Variants in PCDHGB7 observed in about 807,000 individuals in gnomAD.
The protein encoded by PCDHGB7 is protocadherin gamma subfamily B, 7.
Under a neutral mutation model 61.4 loss-of-function variants are expected in PCDHGB7, and 37 were observed. That is an observed-to-expected ratio of 0.60 (90% CI 0.46 to 0.79). The LOEUF is 0.79. PCDHGB7 is among the 30% of genes least tolerant of loss of function. The pLI, the probability that PCDHGB7 is intolerant of heterozygous loss-of-function variation, is 0.00. For missense variants in PCDHGB7, 1,166 were observed against 1,202.5 expected (o/e 0.97, Z 0.45); for synonymous variants, 464 against 503.5 (o/e 0.92, Z 1.05).
At chr5:141,445,300 TCA>T (rs1443961962) in intron 1 of PCDHGB7, among the ~76,000 whole-genome samples, 1 of 152,202 alleles carries the variant, frequency 6.6e-6, no homozygotes, top group Non-Finnish European at 1.5e-5. Flanking sequence ...TCCATTCTCT[TCA>T]GTTTGTAGGT....
Position 141,491,713 on chromosome 5 carries a change from G to T in PCDHGB7, c.2416-3094G>T. The T allele has an allele frequency of 6.2e-7, 1 of 1,609,174 alleles. No individual in the cohort carries two copies. The highest frequency in any genetic ancestry group is 8.5e-7 in the Non-Finnish European group (1 of 1,178,054). On this transcript the variant is annotated intron_variant, in intron 1 of 3. Transcript: ENST00000398594. The surrounding 1 kb of genome is among the most constrained non-coding windows in gnomAD (Gnocchi z 6.9). ...GGAGCGGAGCCAGGTGAGGGGCTCG[G>T]CGCCGCCCCGGGCGACCCCTGGGGG...
At chr5:141,466,281 C>T (rs555506496) in intron 1 of PCDHGB7, among the ~76,000 whole-genome samples, 76 of 152,252 alleles carry the variant, frequency 5.0e-4, no homozygotes, top group African/African-American at 1.7e-3. Context: ...AGCAATCTTC[C>T]CACCTCAGGC....
chr5:141,466,822 G>A (rs1396286898), intron 1 of PCDHGB7, among the ~76,000 whole-genome samples: 4 of 152,046 alleles, frequency 2.6e-5, no homozygotes. Flanking sequence ...GGTATAACAA[G>A]TTAGTATGGG....
At position 141,419,527 on chromosome 5, in the gene PCDHGB7, C is replaced by T. The variant is rs755936657; in HGVS notation, c.1668C>T (p.Asn556=). The T allele has an allele frequency of 2.5e-6, 4 of 1,612,064 alleles. No homozygotes were observed. The highest frequency in any genetic ancestry group is 2.5e-6 in the Non-Finnish European group (3 of 1,179,526). Residue 556 remains asparagine (N), a synonymous_variant, in exon 1 of 4, where the codon AAC becomes AAT. Transcript: ENST00000398594. ...TGCGCGTGTTGGTGGGCGACCGTAA[C>T]GACAACGCACCGCGGGTGCTGTACC... ...VSLRVLVGDR[N]DNAPRVLYPA...
chr5:141,509,586 T>A (rs2154594569), intron 3 of PCDHGB7, among the ~76,000 whole-genome samples: 1 of 152,302 alleles, frequency 6.6e-6, no homozygotes, highest in East Asian at 1.9e-4. Flanking sequence ...ACAAATCAGC[T>A]GGCAATTCCG....
rs1409333356 is a variant in PCDHGB7 at position 141,418,996 on chromosome 5, T to C, written c.1137T>C (p.Asn379=). The change falls in exon 1 of 4, where the codon AAT becomes AAC. Residue 379 remains asparagine, a synonymous_variant. Coordinates refer to ENST00000398594, the MANE Select transcript of PCDHGB7 (RefSeq NM_018927.4). ...FKTRDQDSGE[N]GEVRCSLSRG... is the part of the protein sequence containing the mutation. ...CACGGGACCAAGACTCAGGGGAAAATGGGGAAGTCAGGTGTAGCTTAAGTA... is the reference window on the plus strand; with the variant it reads ...CACGGGACCAAGACTCAGGGGAAAACGGGGAAGTCAGGTGTAGCTTAAGTA... 3.3e-5 allele frequency: 54 copies of C among 1,613,756 alleles called. 1 individual carries two copies. The East Asian group carries it at 1.0e-3, about 30-fold the overall frequency.
chr5:141,499,275 C>T (rs1259707742), intron 2 of PCDHGB7, among the ~76,000 whole-genome samples: 1 of 152,178 alleles, frequency 6.6e-6, no homozygotes, highest in African/African-American at 2.4e-5. Flanking sequence ...CTAGACTGTT[C>T]TCTGATGGCT....
rs1369031488 is a variant in PCDHGB7, at chr5:141,420,187, C to T, written c.2328C>T (p.Ala776=). The change falls in exon 1 of 4, where the codon GCC becomes GCT. Residue 776 remains alanine, a synonymous_variant. Transcript: ENST00000398594. Reference sequence around the variant, plus strand: ...TCACATCTGTTGATCATTGTCCAGCCACACAAGATAACCTCAACAAAGATA... The same window carrying T: ...TCACATCTGTTGATCATTGTCCAGCTACACAAGATAACCTCAACAAAGATA... The part of the protein sequence containing the change: ...NFFTSVDHCP[A]TQDNLNKDSM... 7 of 1,613,824 alleles carry T rather than the reference C, an allele frequency of 4.3e-6. No homozygotes were observed. Among genetic ancestry groups the T allele is most frequent in the Non-Finnish European group, 5.9e-6 (7 of 1,179,744 alleles).
At chr5:141,502,118 G>A (rs897244225) in intron 2 of PCDHGB7, among the ~76,000 whole-genome samples, 3 of 152,108 alleles carry the variant, frequency 2.0e-5, no homozygotes, top group African/African-American at 7.2e-5. Context: ...CCTCAGCCAG[G>A]CCCACAGAGC....
intron 1 of PCDHGB7, among the ~76,000 whole-genome samples, chr5:141,460,070 T>C (rs547558436): frequency 2.0e-5 from 3 of 152,202 alleles, no homozygotes; most frequent in South Asian, 2.1e-4. Flanking sequence ...AGAGTGAGAC[T>C]TCATCTAAAA....
intron 1 of PCDHGB7, among the ~76,000 whole-genome samples, chr5:141,480,874 G>A (rs1487409799): frequency 2.6e-5 from 4 of 151,950 alleles, no homozygotes; most frequent in African/African-American, 7.3e-5. Context: ...GTGAAACCCC[G>A]TCTCTACTAA....
rs922592733 is a variant in PCDHGB7 at position 141,487,979 on chromosome 5, C to T, written c.2416-6828C>T. Among the ~76,000 whole-genome samples the T allele has an allele frequency of 1.3e-5, 2 of 152,178 alleles. No individual in the cohort carries two copies. Among genetic ancestry groups the T allele is most frequent in the African/African-American group, 4.8e-5 (2 of 41,442 alleles). The stretch of plus-strand genomic sequence containing the variant: ...TGGACAAAGGTGGCTGTTTTCTCTA[C>T]TCTTCCTGAAAGAGGGGATCAGATT... On this transcript the variant is annotated intron_variant, in intron 1 of 3. Coordinates refer to ENST00000398594, the MANE Select transcript of PCDHGB7 (RefSeq NM_018927.4). The surrounding 1 kb of genome is among the most constrained non-coding windows in gnomAD (Gnocchi z 5.0).
intron 1 of PCDHGB7, chr5:141,424,500 G>A (rs2154550788): frequency 6.6e-6 from 1 of 152,208 alleles, no homozygotes; most frequent in African/African-American, 2.4e-5. Flanking sequence ...TGTATGTATG[G>A]AAGGTTTTTT....
Position 141,424,835 on chromosome 5 carries a change from T to C in PCDHGB7, c.2415+4561T>C, listed in dbSNP as rs999861185. Among the ~76,000 whole-genome samples, 20 of 152,310 alleles carry C rather than the reference T, an allele frequency of 1.3e-4. No individual in the cohort carries two copies. The South Asian group carries it at 3.5e-3, about 27-fold the overall frequency. On this transcript the variant is annotated intron_variant, in intron 1 of 3. Coordinates refer to ENST00000398594, the MANE Select transcript of PCDHGB7 (RefSeq NM_018927.4). ...AAGCTTGATAGTTGCCTGACATACA[T>C]GTTATCTGAAGCAATGTCTAGGAAA... is the stretch of plus-strand genomic sequence containing the variant.
intron 1 of PCDHGB7, among the ~76,000 whole-genome samples, chr5:141,450,467 T>C (rs997813636): frequency 9.2e-5 from 14 of 151,944 alleles, no homozygotes; most frequent in African/African-American, 3.2e-4. Flanking sequence ...ATTTTATATA[T>C]AGAGTTTGTT....
chr5:141,434,194 G>A (rs913533813), intron 1 of PCDHGB7, among the ~76,000 whole-genome samples: 7 of 152,190 alleles, frequency 4.6e-5, no homozygotes, highest in African/African-American at 4.8e-5. Flanking sequence ...TAATTCCAAT[G>A]TACTTACTTC....
intron 1 of PCDHGB7, chr5:141,420,902 A>T (rs1202945278): frequency 3.4e-6 from 1 of 293,976 alleles, no homozygotes; most frequent in Non-Finnish European, 6.3e-6. Context: ...TAAGCTCTAC[A>T]AATACGTGTG....
chr5:141,510,472 G>A (rs1209464436), intron 3 of PCDHGB7, among the ~76,000 whole-genome samples: 7 of 152,102 alleles, frequency 4.6e-5, no homozygotes, highest in Non-Finnish European at 1.0e-4. Context: ...GGAGTCAGAG[G>A]CTCCCTTGAG....
rs1212833348 is a variant in PCDHGB7 at position 141,431,379 on chromosome 5, C to T, written c.2415+11105C>T. On this transcript the variant is annotated intron_variant, in intron 1 of 3. Transcript: ENST00000398594. The surrounding 1 kb of genome is among the most constrained non-coding windows in gnomAD (Gnocchi z 4.8). ...GCCCTGGACCGCGAAGAAAAGGCTG[C>T]TCACCACCTGGTCCTTACGGCCTCC... is the stretch of plus-strand genomic sequence containing the variant. 3 of 1,613,946 alleles carry T rather than the reference C, an allele frequency of 1.9e-6. No individual in the cohort carries two copies. Among genetic ancestry groups the T allele is most frequent in the Non-Finnish European group, 2.5e-6 (3 of 1,180,020 alleles).
Sources: gnomAD v4.1 joint callset for allele counts (sites outside exome capture counted in the v4.1 genomes callset) on GRCh38, gnomAD v4.1.1 for gene constraint, Gnocchi (gnomAD v3.1) non-coding constraint, MANE v1.5 for transcripts, NCBI Gene and HGNC (gene_info 2026-07-23, HGNC 2026-07-21) for gene names.